Variants in FAM185A observed in about 807,000 individuals in gnomAD.
FAM185A encodes the protein protein FAM185A.
In FAM185A, 21 loss-of-function variants were observed where a neutral mutation model predicts 45.7. The observed-to-expected ratio is 0.46, with a 90% CI of 0.33 to 0.66. The LOEUF (loss-of-function observed/expected upper bound fraction) is 0.66. FAM185A is among the 30% of genes least tolerant of loss of function. The pLI is 0.03. For missense variants in FAM185A, 305 were observed against 485.4 expected (o/e 0.63, Z 3.49); for synonymous variants, 117 against 194.0 (o/e 0.60, Z 3.30).
the FAM185A span, among the ~76,000 whole-genome samples, chr7:102,843,106 A>G: frequency 6.6e-6 from 1 of 152,206 alleles, no homozygotes; most frequent in Non-Finnish European, 1.5e-5. Context: ...AAGAGAATGT[A>G]TCATAAAAGG....
At chr7:102,792,118 T>A (rs1260128782) in intron 7 of FAM185A, among the ~76,000 whole-genome samples, 1 of 141,794 alleles carries the variant, frequency 7.1e-6, no homozygotes, top group African/African-American at 2.8e-5. Context: ...CAAGAAGCCA[T>A]GCCAGTAAAA....
At chr7:102,766,077 G>A (rs1794375153) in intron 4 of FAM185A, among the ~76,000 whole-genome samples, 2 of 152,126 alleles carry the variant, frequency 1.3e-5, no homozygotes, top group Admixed American at 1.3e-4. Context: ...TGGTTTTTCT[G>A]ACTCTATTGG....
intron 7 of FAM185A, among the ~76,000 whole-genome samples, chr7:102,805,582 T>G (rs1374780599): frequency 1.3e-5 from 2 of 152,086 alleles, no homozygotes; most frequent in East Asian, 3.8e-4. Context: ...GGATGCAGTG[T>G]ATACTCCTCA....
the FAM185A span, among the ~76,000 whole-genome samples, chr7:102,840,309 C>A: frequency 6.6e-6 from 1 of 152,180 alleles, no homozygotes; most frequent in Non-Finnish European, 1.5e-5. Context: ...GATTGAATTA[C>A]CCAAATGGCA....
chr7:102,844,827 A>G, the FAM185A span, among the ~76,000 whole-genome samples: 1 of 152,200 alleles, frequency 6.6e-6, no homozygotes, highest in Non-Finnish European at 1.5e-5. Context: ...TGAACCAGCT[A>G]TATATTAGTG....
chr7:102,778,969 A>T (rs1236496364), intron 6 of FAM185A, among the ~76,000 whole-genome samples: 1 of 152,286 alleles, frequency 6.6e-6, no homozygotes, highest in South Asian at 2.1e-4. Context: ...AAAAATATAT[A>T]ATGCTTGTTT....
At chr7:102,847,278 G>A in the FAM185A span, among the ~76,000 whole-genome samples, 50 of 152,228 alleles carry the variant, frequency 3.3e-4, 1 homozygote, top group South Asian at 4.4e-3. Flanking sequence ...GTCACTGTAG[G>A]GGAATGAATT....
downstream of FAM185A, among the ~76,000 whole-genome samples, chr7:102,809,469 G>GGA (rs756103842): frequency 6.6e-5 from 10 of 152,204 alleles, no homozygotes; most frequent in Non-Finnish European, 1.0e-4. Flanking sequence ...CAAGGTGGAT[G>GGA]GATCACTTGA....
intron 7 of FAM185A, among the ~76,000 whole-genome samples, chr7:102,802,826 G>A (rs1409006270): frequency 6.6e-6 from 1 of 152,014 alleles, no homozygotes; most frequent in Non-Finnish European, 1.5e-5. Context: ...AGAAAAAAAA[G>A]AGAGAAAATT....
chr7:102,793,757 G>A (rs1796276669), intron 7 of FAM185A, among the ~76,000 whole-genome samples: 1 of 151,216 alleles, frequency 6.6e-6, no homozygotes, highest in African/African-American at 2.4e-5. Context: ...GTAAAAGCCC[G>A]GCCGGGCACG....
rs560141552 is a variant in FAM185A, at chr7:102,799,621, A to C, written c.1067-8669A>C. 4.0e-5 allele frequency among the ~76,000 whole-genome samples: 6 copies of C among 151,898 alleles called. No homozygotes were observed. In the East Asian group the frequency reaches 1.2e-3, roughly 29 times the overall value. On this transcript the variant is annotated intron_variant, in intron 7 of 7. Coordinates refer to ENST00000413034, the MANE Select transcript of FAM185A (RefSeq NM_001145268.2). The stretch of plus-strand genomic sequence containing the variant: ...GATGAAATGCAATAGTGTAATCACA[A>C]CTCTCCTCAGTTCAGATTTTGTTAT...
chr7:102,817,056 C>T, the FAM185A span, among the ~76,000 whole-genome samples: 1 of 152,198 alleles, frequency 6.6e-6, no homozygotes, highest in South Asian at 2.1e-4. Context: ...GTGAATGATG[C>T]TGCAATAAAC....
Position 102,751,707 on chromosome 7 carries a change from C to T in FAM185A, c.467C>T (p.Ser156Leu). The T allele has an allele frequency of 6.5e-7, 1 of 1,547,114 alleles. No individual in the cohort carries two copies. Among genetic ancestry groups the T allele is most frequent in the Non-Finnish European group, 8.7e-7 (1 of 1,145,580 alleles). The change falls in exon 2 of 8, where the codon TCA becomes TTA. Residue 156 changes from serine to leucine, a missense_variant. By Grantham distance (145) the Ser-to-Leu change is moderately radical. Around this residue, in one of 5 missense-constraint regions of FAM185A, gnomAD observed 174 missense variants for 247.1 expected, o/e 0.70. Transcript: ENST00000413034. ...TTACTTCTAGGTTTAGATATCAAGT[C>T]ATCAGGGTCTGGCTGTGTAAAAGTT... ...APLKFGLDIK[S>L]SGSGCVKVQS...
intron 7 of FAM185A, among the ~76,000 whole-genome samples, chr7:102,801,287 T>C (rs959789369): frequency 1.3e-5 from 2 of 150,466 alleles, no homozygotes; most frequent in Non-Finnish European, 3.0e-5. Flanking sequence ...AAGACATAAA[T>C]CTCACAGGAC....
the FAM185A span, among the ~76,000 whole-genome samples, chr7:102,818,755 A>G: frequency 6.6e-6 from 1 of 151,208 alleles, no homozygotes; most frequent in Non-Finnish European, 1.5e-5. Context: ...AGATAGAAAT[A>G]TATCAAAAGT....
the FAM185A span, among the ~76,000 whole-genome samples, chr7:102,820,069 G>C: frequency 2.0e-5 from 3 of 152,182 alleles, no homozygotes; most frequent in Non-Finnish European, 2.9e-5. Context: ...AGCTTTACTA[G>C]TCCAAACACT....
At chr7:102,759,274 C>T (rs1356231117) in intron 3 of FAM185A, among the ~76,000 whole-genome samples, 2 of 152,026 alleles carry the variant, frequency 1.3e-5, no homozygotes, top group Admixed American at 1.3e-4. Flanking sequence ...ATATCTTAAT[C>T]ATTTGCTACC....
intron 6 of FAM185A, among the ~76,000 whole-genome samples, chr7:102,777,839 TTATGA>T (rs1236033640): frequency 6.6e-6 from 1 of 152,036 alleles, no homozygotes; most frequent in Non-Finnish European, 1.5e-5. Flanking sequence ...GTATCAAGAC[TTATGA>T]TATGTCTCTA....
At chr7:102,835,603 G>GTTTTT in the FAM185A span, among the ~76,000 whole-genome samples, 72 of 97,506 alleles carry the variant, frequency 7.4e-4, no homozygotes, top group Non-Finnish European at 8.8e-4. Context: ...AGGTGACATT[G>GTTTTT]TTTTTTTTTT....
Sources: gnomAD v4.1 joint callset for allele counts (sites outside exome capture counted in the v4.1 genomes callset) on GRCh38, gnomAD v4.1.1 for gene constraint, gnomAD v4.1.1 regional missense constraint, MANE v1.5 for transcripts, NCBI Gene and HGNC (gene_info 2026-07-23, HGNC 2026-07-21) for gene names.